KCNN1: variants seen among roughly 807,000 people sequenced by gnomAD.
KCNN1 encodes small conductance calcium-activated potassium channel protein 1.
Under a neutral mutation model 44.7 loss-of-function variants are expected in KCNN1, and 20 were observed. The observed-to-expected ratio is 0.45, with a 90% CI of 0.32 to 0.65. The LOEUF (loss-of-function observed/expected upper bound fraction) is 0.65. Ranked by LOEUF, KCNN1 falls within the 30% of genes least tolerant of loss-of-function variation. The pLI is 0.05. For synonymous variants in KCNN1, 324 were observed against 341.7 expected (o/e 0.95, Z 0.57); for missense variants, 632 against 785.3 (o/e 0.80, Z 2.33).
chr19:17,968,164 C>CGCCCGCTGGGCTGG (rs2145915346), intron 1 of KCNN1, among the ~76,000 whole-genome samples: 1 of 152,056 alleles, frequency 6.6e-6, no homozygotes, highest in East Asian at 1.9e-4. Flanking sequence ...ACTCTGGCTG[C>CGCCCGCTGGGCTGG]GCCCGCTGGG....
chr19:17,967,808 C>G (rs962499756), intron 1 of KCNN1, among the ~76,000 whole-genome samples: 2 of 151,992 alleles, frequency 1.3e-5, no homozygotes, highest in Non-Finnish European at 2.9e-5. Flanking sequence ...GGCTGGCCAG[C>G]AGATGGGAGT....
At chr19:17,968,719 G>A (rs2031906521) in intron 1 of KCNN1, among the ~76,000 whole-genome samples, 1 of 152,042 alleles carries the variant, frequency 6.6e-6, no homozygotes, top group Non-Finnish European at 1.5e-5. Context: ...CCAGAAGTGT[G>A]TGTCTCCAGG....
intron 2 of KCNN1, among the ~76,000 whole-genome samples, chr19:17,959,433 T>G (rs1250261901): frequency 2.0e-5 from 3 of 152,010 alleles, no homozygotes; most frequent in African/African-American, 7.2e-5. Context: ...AATTTTTGTA[T>G]TTTTAATAGA....
chr19:17,972,992 A>G (rs2032074273), intron 1 of KCNN1, among the ~76,000 whole-genome samples: 1 of 152,180 alleles, frequency 6.6e-6, no homozygotes, highest in Non-Finnish European at 1.5e-5. Context: ...TCAGAGAAGG[A>G]TGAACTTGTT....
chr19:17,997,077 C>T (rs954708599), intron 9 of KCNN1, among the ~76,000 whole-genome samples: 1 of 152,208 alleles, frequency 6.6e-6, no homozygotes, highest in Non-Finnish European at 1.5e-5. Context: ...CCGGCCTCCC[C>T]TGCCCATAGG....
intron 9 of KCNN1, among the ~76,000 whole-genome samples, chr19:17,994,424 G>T (rs551814233): frequency 1.3e-5 from 2 of 149,976 alleles, no homozygotes; most frequent in Admixed American, 1.3e-4. Flanking sequence ...TCTAGCCTGG[G>T]CAACAGAGCG....
chr19:17,980,538 T>C (rs1568454366), intron 3 of KCNN1, among the ~76,000 whole-genome samples: 1 of 152,102 alleles, frequency 6.6e-6, no homozygotes, highest in Non-Finnish European at 1.5e-5. Flanking sequence ...AACACTCATA[T>C]TTCGTTCGAA....
intron 3 of KCNN1, among the ~76,000 whole-genome samples, chr19:17,978,826 A>G (rs968709067): frequency 6.7e-6 from 1 of 150,264 alleles, no homozygotes; most frequent in Non-Finnish European, 1.5e-5. Context: ...AGGCCGAGGC[A>G]GGAGGATCAC....
At position 17,985,472 on chromosome 19, in the gene KCNN1, G is replaced by A. The variant is rs537165337; in HGVS notation, c.1059+19G>A. 2.6e-6 allele frequency: 4 copies of A among 1,556,984 alleles called. No individual in the cohort carries two copies. The East Asian group carries it at 7.0e-5, about 27-fold the overall frequency. On this transcript the variant is annotated intron_variant, in intron 5 of 9. Coordinates refer to ENST00000684775, the MANE Select transcript of KCNN1 (RefSeq NM_001386974.1). ...CATCATGGTAAGGGTGAGGGTCCATGTGTATGATCCTGGGAGGTCCAGCCA... is the reference window on the plus strand; with the variant it reads ...CATCATGGTAAGGGTGAGGGTCCATATGTATGATCCTGGGAGGTCCAGCCA...
At chr19:17,997,391 G>A (rs1318897453) in intron 9 of KCNN1, among the ~76,000 whole-genome samples, 1 of 152,142 alleles carries the variant, frequency 6.6e-6, no homozygotes, top group Non-Finnish European at 1.5e-5. Flanking sequence ...AGCACTGCCT[G>A]TGGCTATGTG....
chr19:17,955,038 A>C (rs1377786981), intron 2 of KCNN1, among the ~76,000 whole-genome samples: 1 of 60,378 alleles, frequency 1.7e-5, no homozygotes, highest in African/African-American at 4.5e-5. Flanking sequence ...GCTCTGTTTC[A>C]AAAAAAAAAA....
chr19:17,982,876 T>A (rs1301740569), intron 4 of KCNN1, among the ~76,000 whole-genome samples: 1 of 152,082 alleles, frequency 6.6e-6, no homozygotes, highest in Non-Finnish European at 1.5e-5. Flanking sequence ...CTCCCAAGAC[T>A]TAAATGGATC....
At chr19:17,971,408 C>T (rs1280383213) in intron 1 of KCNN1, among the ~76,000 whole-genome samples, 5 of 152,214 alleles carry the variant, frequency 3.3e-5, no homozygotes, top group South Asian at 2.1e-4. Context: ...ACAAAGGAGC[C>T]GGGTCCGGAA....
intron 1 of KCNN1, among the ~76,000 whole-genome samples, chr19:17,968,860 ATGTTTGTTGTT>A (rs2031914427): frequency 6.6e-6 from 1 of 151,992 alleles, no homozygotes; most frequent in Non-Finnish European, 1.5e-5. Flanking sequence ...ACCCCGTAGG[ATGTTTGTTGTT>A]TGTTAGAGAT....
At chr19:17,966,335 T>C (rs1449263026), upstream of KCNN1, among the ~76,000 whole-genome samples, 1 of 152,050 alleles carries the variant, frequency 6.6e-6, no homozygotes, top group Non-Finnish European at 1.5e-5. Flanking sequence ...GCAGTAAGAC[T>C]GGAAGAGGAG....
intron 2 of KCNN1, among the ~76,000 whole-genome samples, chr19:17,955,510 G>A (rs537780917): frequency 2.1e-5 from 3 of 140,604 alleles, no homozygotes; most frequent in African/African-American, 8.0e-5. Flanking sequence ...GCAGTGAGCC[G>A]AGATTGTGCC....
chr19:17,990,811 AAAAG>A (rs1163239061), intron 7 of KCNN1, among the ~76,000 whole-genome samples: 2 of 151,270 alleles, frequency 1.3e-5, no homozygotes, highest in Admixed American at 6.6e-5. Context: ...AAAAAAAAAA[AAAAG>A]AAAGAAAAAG....
In KCNN1 at chr19:17,973,997, C is replaced by T. The variant is rs745913633; in HGVS notation, c.109C>T (p.Pro37Ser). The T allele has an allele frequency of 2.5e-6, 4 of 1,587,676 alleles. No homozygotes were observed. In the South Asian group the frequency reaches 4.5e-5, roughly 18 times the overall value. ...TGAGGCCGGCCACCCCCCACAACCC[C>T]CGCACAGCCCGGGCCTCCAGGTGGT... ...DPEAGHPPQP[P>S]HSPGLQVVVA... Residue 37 changes from proline (P) to serine (S), a missense_variant, in exon 2 of 10, where the codon CCG (proline) becomes TCG (serine). This residue lies in a region of KCNN1 where 235 missense variants were observed against 224.0 expected (regional missense o/e 1.05). Coordinates refer to ENST00000684775, the MANE Select transcript of KCNN1 (RefSeq NM_001386974.1).
At chr19:17,987,826 A>G (rs2032650060) in intron 5 of KCNN1, among the ~76,000 whole-genome samples, 1 of 136,426 alleles carries the variant, frequency 7.3e-6, no homozygotes, top group Admixed American at 7.8e-5. Context: ...GTGAGACCCC[A>G]TATCGCTACC....
Sources: gnomAD v4.1 joint callset for allele counts (sites outside exome capture counted in the v4.1 genomes callset) on GRCh38, gnomAD v4.1.1 for gene constraint, gnomAD v4.1.1 regional missense constraint, MANE v1.5 for transcripts, NCBI Gene and HGNC (gene_info 2026-07-23, HGNC 2026-07-21) for gene names.